Variants in SCN11A observed in about 807,000 individuals in gnomAD.
SCN11A encodes the protein sodium channel protein type 11 subunit alpha.
A neutral mutation model predicts 162.2 loss-of-function variants in SCN11A; 122 were observed. The observed-to-expected ratio is 0.75, with a 90% CI of 0.65 to 0.87. SCN11A has a LOEUF of 0.87. Ranked by LOEUF, SCN11A falls within the 40% of genes least tolerant of loss-of-function variation. SCN11A has a pLI of 0.00. For synonymous variants in SCN11A, 758 were observed against 751.5 expected (o/e 1.01, Z -0.14); for missense variants, 2,015 against 2,181.6 (o/e 0.92, Z 1.52).
At chr3:38,907,903 C>T (rs2065825080) in intron 14 of SCN11A, 46 bp downstream of exon 14, 5 of 1,491,026 alleles carry the variant, frequency 3.4e-6, no homozygotes, top group Non-Finnish European at 4.5e-6. Context: ...GGACCTGTCC[C>T]CCTGGACAGC....
chr3:38,878,383 G>A (rs1357275836), intron 23 of SCN11A, among the ~76,000 whole-genome samples: 2 of 151,824 alleles, frequency 1.3e-5, no homozygotes, highest in Non-Finnish European at 2.9e-5. Context: ...GTCAAAAGAG[G>A]GGAAATGTTT....
chr3:38,950,060 C>T, intron 5 of SCN11A, 36 bp downstream of exon 5: 8 of 87,892 alleles, frequency 9.1e-5, no homozygotes, highest in East Asian at 7.5e-4. Flanking sequence ...TTAGAACACC[C>T]CCACCCCCAC....
intron 22 of SCN11A, among the ~76,000 whole-genome samples, 169 bp from the exon 23 acceptor site, chr3:38,880,292 C>A (rs2065288249): frequency 6.6e-6 from 1 of 152,142 alleles, no homozygotes; most frequent in South Asian, 2.1e-4. Context: ...GGAATCCATT[C>A]CTTGAGTAAG....
chr3:39,049,682 A>G (rs2032276595), intron 1 of SCN11A, among the ~76,000 whole-genome samples: 1 of 152,166 alleles, frequency 6.6e-6, no homozygotes, highest in Non-Finnish European at 1.5e-5. Context: ...TCATGATTCT[A>G]CTGAGCAGGC....
intron 2 of SCN11A, among the ~76,000 whole-genome samples, chr3:38,986,610 CCTT>C (rs557109348): frequency 3.3e-5 from 5 of 152,138 alleles, no homozygotes; most frequent in Admixed American, 3.3e-4. Flanking sequence ...CTCCCTCCCT[CCTT>C]CTCTCTCTCT....
chr3:38,921,023 G>C, intron 10 of SCN11A, 53 bp downstream of exon 10: 1 of 1,534,310 alleles, frequency 6.5e-7, no homozygotes, highest in Non-Finnish European at 9.0e-7. Flanking sequence ...GTGAGGATAA[G>C]GAAAAGTTAA....
At chr3:38,953,331 GA>G (rs1559554291) in intron 4 of SCN11A, among the ~76,000 whole-genome samples, 3 of 151,824 alleles carry the variant, frequency 2.0e-5, no homozygotes, top group African/African-American at 7.3e-5. Context: ...CCTGGGTGAC[GA>G]AATAATCTGT....
intron 19 of SCN11A, among the ~76,000 whole-genome samples, chr3:38,892,099 T>C (rs2065510123): frequency 6.6e-6 from 1 of 152,046 alleles, no homozygotes; most frequent in Admixed American, 6.6e-5. Flanking sequence ...GCATTAGAAA[T>C]AATGGAGACC....
intron 4 of SCN11A, 200 bp from the exon 5 acceptor site, chr3:38,950,569 G>C: frequency 1.7e-6 from 1 of 579,946 alleles, no homozygotes. Flanking sequence ...GGAACTTTTG[G>C]CATAGACAAA....
Position 38,867,426 on chromosome 3 carries a change from T to C in SCN11A, c.3846A>G (p.Ser1282=). 1 of 1,612,852 alleles carries C rather than the reference T, an allele frequency of 6.2e-7. No homozygotes were observed. Among genetic ancestry groups the C allele is most frequent in the East Asian group, 2.2e-5 (1 of 44,848 alleles). ...KEQQPEFESN[S]LGYIYFVVFI... ...AGACTACGAAGTAAATGTAACCGAG[T>C]GAATTGCTCTCAAACTCTGGCTGTT... Residue 1282 remains serine, a synonymous_variant, in exon 27 of 30, where the codon TCA becomes TCG. Coordinates refer to ENST00000302328, the MANE Select transcript of SCN11A (RefSeq NM_001349253.2).
At chr3:38,998,558 TATATACCCAAAGG>T (rs1362804266) in intron 2 of SCN11A, among the ~76,000 whole-genome samples, 3 of 152,174 alleles carry the variant, frequency 2.0e-5, no homozygotes, top group Non-Finnish European at 4.4e-5. Flanking sequence ...CATTACTGGG[TATATACCCAAAGG>T]ATTATAAATC....
intron 14 of SCN11A, among the ~76,000 whole-genome samples, chr3:38,905,699 G>A (rs1157678996): frequency 1.3e-5 from 2 of 152,236 alleles, no homozygotes; most frequent in African/African-American, 2.4e-5. Context: ...AAGGTAAGAA[G>A]TGGAGTATAA....
chr3:38,897,444 C>T (rs2065622702), intron 17 of SCN11A, among the ~76,000 whole-genome samples: 1 of 152,216 alleles, frequency 6.6e-6, no homozygotes. Context: ...TGGCCGGGCA[C>T]AGTGGCTCAC....
At position 38,879,934 on chromosome 3, in the gene SCN11A, G is replaced by T; in HGVS notation, c.3393+16C>A. 6.2e-7 allele frequency: 1 copy of T among 1,608,802 alleles called. No individual in the cohort carries two copies. Among genetic ancestry groups the T allele is most frequent in the Non-Finnish European group, 8.5e-7 (1 of 1,176,612 alleles). On this transcript the variant is annotated intron_variant, in intron 23 of 29. Transcript: ENST00000302328. ...ACTACCCCAGCCTGTGTGGGACACAGAGATGGTAAACTTACAATCACAATG... is the reference window on the plus strand; with the variant it reads ...ACTACCCCAGCCTGTGTGGGACACATAGATGGTAAACTTACAATCACAATG...
At chr3:38,906,911 G>A (rs1374084258) in intron 14 of SCN11A, among the ~76,000 whole-genome samples, 1 of 151,958 alleles carries the variant, frequency 6.6e-6, no homozygotes, top group Non-Finnish European at 1.5e-5. Flanking sequence ...CATCACACAT[G>A]TGCATGCATG....
intron 18 of SCN11A, 132 bp downstream of exon 18, chr3:38,896,701 AATTTGAATGAAT>A: frequency 1.3e-6 from 1 of 796,392 alleles, no homozygotes; most frequent in South Asian, 3.1e-5. Flanking sequence ...TCTCAAACAA[AATTTGAATGAAT>A]ATTTCAAATA....
intron 2 of SCN11A, among the ~76,000 whole-genome samples, chr3:39,009,894 A>G (rs2031079633): frequency 7.4e-6 from 1 of 135,016 alleles, no homozygotes; most frequent in Admixed American, 8.1e-5. Flanking sequence ...TATGTTGCCC[A>G]GGCTGATCTT....
At chr3:38,922,529 G>A (rs1347973778) in intron 9 of SCN11A, among the ~76,000 whole-genome samples, 1 of 152,088 alleles carries the variant, frequency 6.6e-6, no homozygotes, top group African/African-American at 2.4e-5. Context: ...ATATTCACCT[G>A]TGTGGAGATG....
rs527408829 is a variant in SCN11A, at chr3:38,905,118, G to A, written c.1603+74C>T. The A allele has an allele frequency of 4.9e-5, 79 of 1,596,174 alleles. No homozygotes were observed. The South Asian group carries it at 8.5e-4, about 17-fold the overall frequency. The stretch of plus-strand genomic sequence containing the variant: ...CAGCCTCCTTTGCAGAGGGCTTCTA[G>A]GGGATTGGGAAGAAGAAGAATGGAA... On this transcript the variant is annotated intron_variant, in intron 15 of 29. Coordinates refer to ENST00000302328, the MANE Select transcript of SCN11A (RefSeq NM_001349253.2).
Sources: gnomAD v4.1 joint callset for allele counts (sites outside exome capture counted in the v4.1 genomes callset) on GRCh38, gnomAD v4.1.1 for gene constraint, MANE v1.5 for transcripts, NCBI Gene and HGNC (gene_info 2026-07-23, HGNC 2026-07-21) for gene names.